Variants in ENOX1 observed in about 807,000 individuals in gnomAD.
ENOX1 encodes candidate growth-related and time keeping constitutive hydroquinone (NADH) oxidase.
In ENOX1, 42 loss-of-function variants were observed where a neutral mutation model predicts 82.5. That is an observed-to-expected ratio of 0.51 (90% confidence interval 0.40 to 0.66). ENOX1 has a LOEUF of 0.66. ENOX1 is among the 30% of genes least tolerant of loss of function. The pLI, the probability that ENOX1 is intolerant of heterozygous loss-of-function variation, is 0.00. For synonymous variants in ENOX1, 271 were observed against 282.2 expected, an observed-to-expected ratio of 0.96 and a Z score of 0.40; for missense variants, 608 against 811.6, an observed-to-expected ratio of 0.75 and a Z score of 3.05.
intron 2 of ENOX1, among the ~76,000 whole-genome samples, chr13:43,651,828 A>C (rs1361377959): frequency 6.6e-6 from 1 of 151,898 alleles, no homozygotes; most frequent in Non-Finnish European, 1.5e-5. Context: ...TACAAAAATT[A>C]GCCGGGGGTA....
At chr13:43,482,578 C>G (rs2058547081) in intron 3 of ENOX1, among the ~76,000 whole-genome samples, 1 of 151,294 alleles carries the variant, frequency 6.6e-6, no homozygotes, top group Non-Finnish European at 1.5e-5. Flanking sequence ...GTTAACAACA[C>G]TAAAGTATGG....
At chr13:43,290,779 T>C (rs1047823372) in intron 12 of ENOX1, among the ~76,000 whole-genome samples, 2 of 152,172 alleles carry the variant, frequency 1.3e-5, no homozygotes, top group South Asian at 2.1e-4. Flanking sequence ...GTAATTCCAG[T>C]ACTTTGGGAG....
In ENOX1 at chr13:43,348,882, A is replaced by G. The variant is rs1050428421; in HGVS notation, c.824-4132T>C. ...TCTTCACAATAAAGAAAGAAATTGT[A>G]TGCTGAGGTTGCTAAAATCTAGGAT... On this transcript the variant is annotated intron_variant, in intron 8 of 16. Coordinates refer to ENST00000690772, the MANE Select transcript of ENOX1 (RefSeq NM_001347969.2). 2.6e-5 allele frequency among the ~76,000 whole-genome samples: 4 copies of G among 152,276 alleles called. No individual in the cohort carries two copies. The East Asian group carries it at 7.7e-4, about 29-fold the overall frequency.
chr13:43,266,265 A>G (rs1459025831), intron 13 of ENOX1, among the ~76,000 whole-genome samples: 3 of 152,140 alleles, frequency 2.0e-5, no homozygotes, highest in African/African-American at 7.2e-5. Context: ...TATCTTTTTT[A>G]TACCTAATAC....
intron 2 of ENOX1, among the ~76,000 whole-genome samples, chr13:43,557,804 A>G (rs917035065): frequency 5.3e-5 from 8 of 152,168 alleles, no homozygotes; most frequent in Non-Finnish European, 1.0e-4. Context: ...TCTCTAACAG[A>G]AGTTTTAAAT....
chr13:43,459,092 A>G (rs2057352797), intron 3 of ENOX1: 2 of 152,232 alleles, frequency 1.3e-5, no homozygotes, highest in African/African-American at 4.8e-5. Flanking sequence ...GCTCCCTCCT[A>G]TAGCAGCATA....
At position 43,724,774 on chromosome 13, in the gene ENOX1, C is replaced by A. The variant is rs550362359; in HGVS notation, c.-284-57230G>T. 2.6e-5 allele frequency among the ~76,000 whole-genome samples: 4 copies of A among 152,336 alleles called. No homozygotes were observed. The East Asian group carries it at 7.7e-4, about 29-fold the overall frequency. ...TTTCTCAAAAGAAGGCTCTCTCTTT[C>A]TTCCTCTTTATCGGCTCTTGCCTGT... On this transcript the variant is annotated intron_variant, in intron 1 of 16. Transcript: ENST00000690772.
intron 2 of ENOX1, among the ~76,000 whole-genome samples, chr13:43,508,292 C>T (rs2077246876): frequency 1.3e-5 from 2 of 151,982 alleles, no homozygotes; most frequent in African/African-American, 4.8e-5. Context: ...TTCTTTTGCT[C>T]TTCCTCCTCT....
In ENOX1 at chr13:43,467,670, G is replaced by A. The variant is rs149712911; in HGVS notation, c.-75+16339C>T. 8.9e-3 allele frequency among the ~76,000 whole-genome samples: 1,359 copies of A among 152,054 alleles called. 15 individuals are homozygous for A. Among genetic ancestry groups the A allele is most frequent in the African/African-American group, 0.029 (1,215 of 41,496 alleles). ...AAAGTTTAAAATTTTGATAAAGTCT[G>A]ATTTATCTATATTTTTCTTTTGCTG... On this transcript the variant is annotated intron_variant, in intron 3 of 16. Coordinates refer to ENST00000690772, the MANE Select transcript of ENOX1 (RefSeq NM_001347969.2).
chr13:43,503,498 A>C (rs1296561265), intron 2 of ENOX1, among the ~76,000 whole-genome samples: 4 of 151,768 alleles, frequency 2.6e-5, no homozygotes, highest in Non-Finnish European at 5.9e-5. Context: ...ACAAAGCTAT[A>C]GTAATCAAAA....
intron 2 of ENOX1, among the ~76,000 whole-genome samples, chr13:43,633,959 T>C (rs2083318009): frequency 6.6e-6 from 1 of 152,134 alleles, no homozygotes; most frequent in African/African-American, 2.4e-5. Flanking sequence ...TAAAATATAT[T>C]TGTATATTTT....
intron 1 of ENOX1, among the ~76,000 whole-genome samples, chr13:43,766,885 C>T (rs1331435978): frequency 6.6e-6 from 1 of 152,068 alleles, no homozygotes; most frequent in Non-Finnish European, 1.5e-5. Flanking sequence ...ATCATCTGCC[C>T]GGCTGCAGCT....
intron 2 of ENOX1, among the ~76,000 whole-genome samples, chr13:43,492,146 T>A (rs1031294670): frequency 2.0e-5 from 3 of 152,212 alleles, no homozygotes; most frequent in African/African-American, 7.2e-5. Flanking sequence ...AACTGAAGGA[T>A]CTTTCCAAGA....
chr13:43,765,496 C>G (rs1296131019), intron 1 of ENOX1, among the ~76,000 whole-genome samples: 42 of 152,070 alleles, frequency 2.8e-4, no homozygotes, highest in Admixed American at 2.7e-3. Context: ...AATCTGACAC[C>G]CTGCTGTGCA....
At chr13:43,456,050 T>C (rs1445284795) in intron 3 of ENOX1, among the ~76,000 whole-genome samples, 1 of 152,206 alleles carries the variant, frequency 6.6e-6, no homozygotes, top group East Asian at 1.9e-4. Context: ...AATCATTTTA[T>C]ATTCTTCTAT....
chr13:43,678,424 G>T (rs2085621085), intron 1 of ENOX1, among the ~76,000 whole-genome samples: 1 of 152,052 alleles, frequency 6.6e-6, no homozygotes, highest in African/African-American at 2.4e-5. Flanking sequence ...ATTCAGATCT[G>T]CCTGTCCTTG....
chr13:43,260,020 T>A (rs978564276), intron 14 of ENOX1, among the ~76,000 whole-genome samples: 1 of 152,206 alleles, frequency 6.6e-6, no homozygotes, highest in Non-Finnish European at 1.5e-5. Context: ...GTATTCTCTC[T>A]CACGCCTCCC....
At chr13:43,521,528 A>G (rs1367497822) in intron 2 of ENOX1, among the ~76,000 whole-genome samples, 1 of 152,146 alleles carries the variant, frequency 6.6e-6, no homozygotes, top group Non-Finnish European at 1.5e-5. Flanking sequence ...TATACCTTAG[A>G]CAGACTGCAC....
chr13:43,386,567 C>A (rs1480554179), intron 5 of ENOX1, among the ~76,000 whole-genome samples: 1 of 152,126 alleles, frequency 6.6e-6, no homozygotes, highest in Non-Finnish European at 1.5e-5. Flanking sequence ...TGAAGAGAGT[C>A]AATTGAAACT....
Sources: allele counts gnomAD v4.1 joint callset (sites outside exome capture counted in the v4.1 genomes callset), GRCh38; gene constraint gnomAD v4.1.1; transcripts MANE v1.5; gene names NCBI Gene and HGNC (gene_info 2026-07-23, HGNC 2026-07-21).